Variants in TXNL1 observed in about 807,000 individuals in gnomAD.
The protein encoded by TXNL1 is thioredoxin-like protein 1.
In TXNL1, 14 loss-of-function variants were observed where a neutral mutation model predicts 35.5. The ratio of observed to expected loss-of-function variants is 0.39; its 90% CI spans 0.26 to 0.62. The LOEUF is 0.62. TXNL1 is among the 20% of genes least tolerant of loss of function. TXNL1 has a pLI of 0.47. For missense variants in TXNL1, 263 were observed against 349.7 expected (o/e 0.75, Z 1.98); for synonymous variants, 110 against 115.5 (o/e 0.95, Z 0.31).
intron 7 of TXNL1, among the ~76,000 whole-genome samples, chr18:56,603,608 C>T (rs887000629): frequency 1.3e-5 from 2 of 151,954 alleles, no homozygotes; most frequent in African/African-American, 4.8e-5. Context: ...ATGAATAAAC[C>T]TTGTTTCTGT....
chr18:56,618,058 A>G lies in TXNL1; in HGVS notation c.438T>C (p.Phe146=). ...ECLNESDEHG[F]DNCLRKDTTF... is the part of the protein sequence containing the mutation. The stretch of plus-strand genomic sequence containing the variant: ...TTGTGTCTTTTCGTAAACAGTTGTC[A>G]AATCCATGCTCATCACTTTCATTAA... The change falls in exon 4 of 8, where the codon TTT becomes TTC. Residue 146 remains phenylalanine, a synonymous_variant. Coordinates refer to ENST00000217515, the MANE Select transcript of TXNL1 (RefSeq NM_004786.3). The G allele has an allele frequency of 6.2e-7, 1 of 1,614,040 alleles. No individual in the cohort carries two copies. Among genetic ancestry groups the G allele is most frequent in the Non-Finnish European group, 8.5e-7 (1 of 1,179,966 alleles).
rs1370760903 is a variant in TXNL1 at position 56,615,202 on chromosome 18, C to T, written c.563-606G>A. ...TTTAACTTCAAGGCACGATTTAAGA[C>T]CCATATTTTGTGGCTGAAGAAGGAA... On this transcript the variant is annotated intron_variant, in intron 5 of 7. Coordinates refer to ENST00000217515, the MANE Select transcript of TXNL1 (RefSeq NM_004786.3). Among the ~76,000 whole-genome samples the T allele has an allele frequency of 2.0e-5, 3 of 152,092 alleles. No homozygotes were observed. In the South Asian group the frequency reaches 6.2e-4, roughly 32 times the overall value.
At chr18:56,637,414 T>G (rs1185746396) in intron 1 of TXNL1, among the ~76,000 whole-genome samples, 1 of 152,202 alleles carries the variant, frequency 6.6e-6, no homozygotes, top group Non-Finnish European at 1.5e-5. Flanking sequence ...CCTCTCATAC[T>G]TCTAACTAAA....
chr18:56,625,297 A>G (rs2024258004), intron 2 of TXNL1, among the ~76,000 whole-genome samples: 1 of 152,162 alleles, frequency 6.6e-6, no homozygotes, highest in African/African-American at 2.4e-5. Flanking sequence ...TGCAATTGTA[A>G]ATTTTCTATT....
chr18:56,630,876 C>G (rs555719597), intron 1 of TXNL1, among the ~76,000 whole-genome samples: 2 of 150,740 alleles, frequency 1.3e-5, no homozygotes, highest in South Asian at 4.2e-4. Flanking sequence ...TCAAATAAAT[C>G]GATCATTTTC....
chr18:56,610,940 T>C (rs745742987), intron 7 of TXNL1, 53 bp downstream of exon 7: 6 of 1,165,292 alleles, frequency 5.1e-6, no homozygotes, highest in Admixed American at 5.1e-5. Flanking sequence ...CATGAAATTA[T>C]TCCATTAAAA....
intron 1 of TXNL1, among the ~76,000 whole-genome samples, chr18:56,630,059 C>T (rs1282714788): frequency 2.0e-5 from 3 of 152,024 alleles, no homozygotes; most frequent in African/African-American, 7.3e-5. Context: ...ATTAGCCAGG[C>T]GTGATAGCGG....
chr18:56,623,192 C>T (rs574801482), intron 3 of TXNL1, among the ~76,000 whole-genome samples: 1 of 152,234 alleles, frequency 6.6e-6, no homozygotes, highest in South Asian at 2.1e-4. Context: ...TTGGGGGAGG[C>T]CAAGGCAGGT....
rs574067620 is a variant in TXNL1, at chr18:56,630,895, T to C, written c.99-4438A>G. ...ATAAATCGATCATTTTCTTTTTTCT[T>C]TTTTTTTTTAGGGTTTCACTCTGTC... On this transcript the variant is annotated intron_variant, in intron 1 of 7. Coordinates refer to ENST00000217515, the MANE Select transcript of TXNL1 (RefSeq NM_004786.3). Among the ~76,000 whole-genome samples, 4 of 149,428 alleles carry C rather than the reference T, an allele frequency of 2.7e-5. No homozygotes were observed. In the East Asian group the frequency reaches 5.8e-4, roughly 22 times the overall value.
At chr18:56,604,318 T>C (rs970300208) in intron 7 of TXNL1, 5 of 152,224 alleles carry the variant, frequency 3.3e-5, no homozygotes, top group Admixed American at 6.5e-5. Flanking sequence ...TTATTGATCA[T>C]TGTATTACTT....
chr18:56,624,263 T>C (rs1397723036), intron 3 of TXNL1, 25 bp downstream of exon 3: 1 of 1,598,468 alleles, frequency 6.3e-7, no homozygotes, highest in Admixed American at 1.7e-5. Flanking sequence ...TTATACATTA[T>C]GATTTCACTT....
intron 2 of TXNL1, among the ~76,000 whole-genome samples, chr18:56,625,291 A>T (rs567974119): frequency 3.3e-5 from 5 of 152,180 alleles, no homozygotes; most frequent in Non-Finnish European, 5.9e-5. Context: ...TACACATGCA[A>T]TTGTAAATTT....
intron 3 of TXNL1, among the ~76,000 whole-genome samples, chr18:56,621,759 G>T (rs1255252630): frequency 6.6e-6 from 1 of 151,874 alleles, no homozygotes; most frequent in Non-Finnish European, 1.5e-5. Context: ...TAGCACTTTG[G>T]GAGGCTGAGA....
At chr18:56,604,263 T>G (rs1353535351) in intron 7 of TXNL1, among the ~76,000 whole-genome samples, 1 of 152,228 alleles carries the variant, frequency 6.6e-6, no homozygotes, top group Non-Finnish European at 1.5e-5. Context: ...GAACTGGCAT[T>G]ATCTCTATCA....
At chr18:56,628,258 A>C (rs887911687) in intron 1 of TXNL1, among the ~76,000 whole-genome samples, 3 of 152,188 alleles carry the variant, frequency 2.0e-5, no homozygotes, top group African/African-American at 7.2e-5. Flanking sequence ...ACTTTTATAT[A>C]CTGTGAGAGT....
chr18:56,638,406 T>G lies in TXNL1; in HGVS notation c.35A>C (p.Asp12Ala), dbSNP rs1474304455. 1.9e-6 allele frequency: 3 copies of G among 1,613,302 alleles called. No individual in the cohort carries two copies. The highest frequency in any genetic ancestry group is 1.7e-6 in the Non-Finnish European group (2 of 1,179,688). The change falls in exon 1 of 8, where the codon GAT becomes GCT. Residue 12 changes from aspartate (D) to alanine (A), a missense_variant. Transcript: ENST00000217515. ...CGCGCCGCTCAGCTCTGGCTGGAAA[T>G]CCGGGTCGCTCCCGACGGGCTTCAC... The part of the protein sequence containing the change: ...VGVKPVGSDP[D>A]FQPELSGAGS...
intron 1 of TXNL1, among the ~76,000 whole-genome samples, chr18:56,631,881 T>C (rs931477094): frequency 2.0e-5 from 3 of 150,554 alleles, no homozygotes; most frequent in African/African-American, 4.9e-5. Flanking sequence ...GATTGCGCCA[T>C]TGAACTCTAG....
intron 7 of TXNL1, among the ~76,000 whole-genome samples, chr18:56,607,590 G>A (rs778467514): frequency 3.9e-5 from 6 of 152,132 alleles, no homozygotes; most frequent in Admixed American, 6.6e-5. Flanking sequence ...GACCAGGCAC[G>A]GTGGCTCATG....
At chr18:56,629,129 C>G (rs1598923189) in intron 1 of TXNL1, among the ~76,000 whole-genome samples, 1 of 152,332 alleles carries the variant, frequency 6.6e-6, no homozygotes, top group African/African-American at 2.4e-5. Context: ...AACACTTACT[C>G]TATTTCACAA....
Sources: allele counts gnomAD v4.1 joint callset (sites outside exome capture counted in the v4.1 genomes callset), GRCh38; gene constraint gnomAD v4.1.1; transcripts MANE v1.5; gene names NCBI Gene and HGNC (gene_info 2026-07-23, HGNC 2026-07-21).